DOK6: variants seen among roughly 807,000 people sequenced by gnomAD.
DOK6 encodes the protein docking protein 6.
A neutral mutation model predicts 44.0 loss-of-function variants in DOK6; 22 were observed. The ratio of observed to expected loss-of-function variants is 0.50; its 90% confidence interval spans 0.36 to 0.71. The LOEUF is 0.71. Ranked by LOEUF, DOK6 falls within the 30% of genes least tolerant of loss-of-function variation. DOK6 has a pLI of 0.00. For missense variants in DOK6, 340 were observed against 416.4 expected (o/e 0.82, Z 1.60); for synonymous variants, 166 against 145.5 (o/e 1.14, Z -1.01).
chr18:69,575,720 C>A (rs893687100), intron 2 of DOK6, among the ~76,000 whole-genome samples: 1 of 151,990 alleles, frequency 6.6e-6, no homozygotes, highest in Non-Finnish European at 1.5e-5. Flanking sequence ...TAACTATACT[C>A]CTAAGGAAAT....
chr18:69,557,567 C>G (rs1460687669), intron 1 of DOK6, among the ~76,000 whole-genome samples: 2 of 152,116 alleles, frequency 1.3e-5, no homozygotes, highest in Admixed American at 1.3e-4. Context: ...TGATGGCATG[C>G]TGGCTGGCTG....
At chr18:69,758,904 T>TC (rs36117274) in intron 7 of DOK6, among the ~76,000 whole-genome samples, 106,799 of 151,980 alleles carry the variant, frequency 0.7, 39,507 homozygotes, top group East Asian at 0.84. Flanking sequence ...AAGTAATGTG[T>TC]TTTTTATAGC....
intron 5 of DOK6, among the ~76,000 whole-genome samples, chr18:69,715,440 G>C (rs1734095278): frequency 6.6e-6 from 1 of 152,118 alleles, no homozygotes; most frequent in Non-Finnish European, 1.5e-5. Context: ...CCCAGGGCAG[G>C]ATGCACACAG....
chr18:69,608,968 T>C (rs10439006), intron 3 of DOK6, among the ~76,000 whole-genome samples: 59,565 of 135,212 alleles, frequency 0.44, 13,578 homozygotes, highest in Non-Finnish European at 0.53. Flanking sequence ...AAAAAAACTT[T>C]CACTTAACTT....
rs79798045 is a variant in DOK6, at chr18:69,646,359, T to C, written c.290-31375T>C. ...CTTTCATTATGTCTGCAGTTGCTTG[T>C]TTGAGAGTATTTAATGCAGACATGA... On this transcript the variant is annotated intron_variant, in intron 3 of 7. Coordinates refer to ENST00000382713, the MANE Select transcript of DOK6 (RefSeq NM_152721.6). Among the ~76,000 whole-genome samples, 559 of 152,316 alleles carry C rather than the reference T, an allele frequency of 3.7e-3. 2 individuals carry two copies. Among genetic ancestry groups the C allele is most frequent in the African/African-American group, 0.013 (525 of 41,568 alleles).
chr18:69,750,894 TA>T (rs1456214394), intron 6 of DOK6, among the ~76,000 whole-genome samples: 1 of 151,978 alleles, frequency 6.6e-6, no homozygotes, highest in East Asian at 1.9e-4. Context: ...TATTGAGCCT[TA>T]AAAAGAAAAA....
At chr18:69,633,833 C>A (rs577026621) in intron 3 of DOK6, among the ~76,000 whole-genome samples, 1 of 152,138 alleles carries the variant, frequency 6.6e-6, no homozygotes, top group African/African-American at 2.4e-5. Context: ...ACAAATATTT[C>A]AACTCTAAAC....
chr18:69,758,679 C>G (rs1255427566), intron 7 of DOK6, among the ~76,000 whole-genome samples: 2 of 152,142 alleles, frequency 1.3e-5, no homozygotes, highest in African/African-American at 4.8e-5. Context: ...CACACACAGC[C>G]AAGAGCATTT....
chr18:69,786,238 C>A (rs1002295526), intron 7 of DOK6, among the ~76,000 whole-genome samples: 2 of 152,034 alleles, frequency 1.3e-5, no homozygotes, highest in Non-Finnish European at 2.9e-5. Context: ...CAGAAAACAA[C>A]CAAAGCACAT....
intron 3 of DOK6, among the ~76,000 whole-genome samples, chr18:69,672,514 G>A (rs1212274827): frequency 6.6e-6 from 1 of 152,112 alleles, no homozygotes; most frequent in Non-Finnish European, 1.5e-5. Flanking sequence ...GCGCAGCACC[G>A]CGCCCGGCTA....
rs141259603 is a variant in DOK6, at chr18:69,436,736, C to T, written c.66+35426C>T. ...TCTAGATCCTTGAGCAATTGCCACA[C>T]TGTCTTCCACAATGGTTGAACTAAT... is the stretch of plus-strand genomic sequence containing the variant. On this transcript the variant is annotated intron_variant, in intron 1 of 7. Transcript: ENST00000382713. 3.1e-3 allele frequency among the ~76,000 whole-genome samples: 475 copies of T among 152,332 alleles called. 1 individual carries two copies. The highest frequency in any genetic ancestry group is 3.4e-3 in the Middle Eastern group (1 of 294).
intron 3 of DOK6, among the ~76,000 whole-genome samples, chr18:69,669,094 T>C (rs917981572): frequency 6.6e-6 from 1 of 152,214 alleles, no homozygotes. Context: ...GGGTGTTTCT[T>C]CCTCTCTCTT....
At chr18:69,463,977 C>T (rs1305263063) in intron 1 of DOK6, among the ~76,000 whole-genome samples, 1 of 152,096 alleles carries the variant, frequency 6.6e-6, no homozygotes, top group Non-Finnish European at 1.5e-5. Flanking sequence ...TGACTTTTGT[C>T]AATATTTTGT....
At chr18:69,706,046 C>A (rs1207695584) in intron 5 of DOK6, among the ~76,000 whole-genome samples, 5 of 152,186 alleles carry the variant, frequency 3.3e-5, no homozygotes, top group African/African-American at 1.2e-4. Context: ...AATTACTGGT[C>A]TCAAGCGAGA....
At chr18:69,405,031 A>G (rs554611318) in intron 1 of DOK6, among the ~76,000 whole-genome samples, 2 of 152,310 alleles carry the variant, frequency 1.3e-5, no homozygotes, top group South Asian at 4.1e-4. Context: ...GGAAATGTGG[A>G]GGGACAGATT....
intron 7 of DOK6, among the ~76,000 whole-genome samples, chr18:69,795,621 A>G (rs1192223806): frequency 6.6e-6 from 1 of 152,130 alleles, no homozygotes; most frequent in African/African-American, 2.4e-5. Flanking sequence ...TCATTTAACA[A>G]ATGTTTACTA....
intron 5 of DOK6, among the ~76,000 whole-genome samples, chr18:69,698,892 A>G (rs902149686): frequency 2.0e-5 from 3 of 152,226 alleles, no homozygotes; most frequent in African/African-American, 4.8e-5. Context: ...GATTATTACA[A>G]TACTATATTT....
chr18:69,672,627 G>A (rs1040302223), intron 3 of DOK6, among the ~76,000 whole-genome samples: 8 of 151,194 alleles, frequency 5.3e-5, no homozygotes, highest in African/African-American at 1.7e-4. Flanking sequence ...CAAAGTGCTG[G>A]GATTACAGGC....
chr18:69,490,707 A>G (rs1014760536), intron 1 of DOK6, among the ~76,000 whole-genome samples: 1 of 152,200 alleles, frequency 6.6e-6, no homozygotes, highest in Non-Finnish European at 1.5e-5. Context: ...CAAGCAAAAA[A>G]TATAAATATA....
Sources: allele counts gnomAD v4.1 joint callset (sites outside exome capture counted in the v4.1 genomes callset), GRCh38; gene constraint gnomAD v4.1.1; transcripts MANE v1.5; gene names NCBI Gene and HGNC (gene_info 2026-07-23, HGNC 2026-07-21).